The following HMGA2 variants were observed in gnomAD, a reference collection of about 807,000 sequenced individuals.
HMGA2 encodes high mobility group protein HMGI-C.
HMGA2 carries 8 observed loss-of-function variants against 19.1 expected under a neutral mutation model. That is an observed-to-expected ratio of 0.42 (90% CI 0.25 to 0.76). HMGA2 has a LOEUF of 0.76. Ranked by LOEUF, HMGA2 falls within the 30% of genes least tolerant of loss-of-function variation. The probability of loss-of-function intolerance (pLI) is 0.28; values close to 1 mark genes in which losing one functional copy is unlikely to be tolerated. For synonymous variants in HMGA2, 60 were observed against 48.8 expected, an observed-to-expected ratio of 1.23 and a Z score of -0.96; for missense variants, 109 against 136.3, an observed-to-expected ratio of 0.80 and a Z score of 1.00.
At chr12:65,870,172 T>C (rs1872639267) in intron 3 of HMGA2, among the ~76,000 whole-genome samples, 1 of 152,138 alleles carries the variant, frequency 6.6e-6, no homozygotes, top group Non-Finnish European at 1.5e-5. Context: ...GGGGTAGATA[T>C]GCATGTGCAT....
chr12:65,855,739 A>ATG (rs1871708250), intron 3 of HMGA2, among the ~76,000 whole-genome samples: 4 of 94,332 alleles, frequency 4.2e-5, no homozygotes, highest in South Asian at 3.2e-4. Context: ...TGATGATGAT[A>ATG]ATGATTGATC....
chr12:65,867,495 A>G (rs1376771709), intron 3 of HMGA2: 3 of 455,336 alleles, frequency 6.6e-6, no homozygotes, highest in South Asian at 1.6e-5. Flanking sequence ...TAAGCTACAG[A>G]ACTAATTACT....
At chr12:65,882,409 C>A (rs1021851011) in intron 3 of HMGA2, among the ~76,000 whole-genome samples, 8 of 152,180 alleles carry the variant, frequency 5.3e-5, no homozygotes, top group Non-Finnish European at 1.0e-4. Flanking sequence ...AACAAAGCAG[C>A]CCGCCCGCCC....
intron 4 of HMGA2, chr12:65,957,146 T>C (rs1876627946): frequency 6.6e-6 from 1 of 152,192 alleles, no homozygotes; most frequent in African/African-American, 2.4e-5. Flanking sequence ...TCCACAAATA[T>C]TCTGTTCCCT....
chr12:65,893,674 A>G (rs1169510011), intron 3 of HMGA2, among the ~76,000 whole-genome samples: 1 of 152,210 alleles, frequency 6.6e-6, no homozygotes, highest in Non-Finnish European at 1.5e-5. Flanking sequence ...GTGAATGGCT[A>G]CTGGTAAAGA....
Position 65,966,039 on chromosome 12 carries a change from C to G in HMGA2, c.*2747C>G, listed in dbSNP as rs1876899475. On this transcript the variant is annotated 3_prime_UTR_variant, in exon 5 of 5. Transcript: ENST00000403681. ...AGGTATGTTTGCAGGAGAAAAGTAT[C>G]AAGACGTTTAACTGCAGTTGACTTT... 1 of 221,162 alleles carries G rather than the reference C, an allele frequency of 4.5e-6. No homozygotes were observed. The highest frequency in any genetic ancestry group is 5.8e-5 in the Admixed American group (1 of 17,312). The allele number at this position is 221,162 out of a possible 1,614,324, so 13.7% of individuals were successfully genotyped here. A position where few individuals can be genotyped will look rare whatever the true frequency, so the allele number is the denominator to read the frequency against.
intron 3 of HMGA2, among the ~76,000 whole-genome samples, chr12:65,882,339 C>G (rs374416091): frequency 1.3e-5 from 2 of 152,216 alleles, no homozygotes; most frequent in Non-Finnish European, 2.9e-5. Flanking sequence ...GCAGGTCCAG[C>G]AGCAAAAACA....
chr12:65,925,309 A>G (rs1875469213), intron 3 of HMGA2, among the ~76,000 whole-genome samples: 2 of 152,196 alleles, frequency 1.3e-5, no homozygotes, highest in African/African-American at 2.4e-5. Flanking sequence ...TGACTTTTGG[A>G]CAATTTCTAA....
At chr12:65,828,702 A>C (rs1168175292) in intron 2 of HMGA2, 1 of 153,946 alleles carries the variant, frequency 6.5e-6, no homozygotes, top group African/African-American at 2.4e-5. Context: ...TAATCTCAAA[A>C]TGCCTTTTCA....
chr12:65,963,305 T>G lies in HMGA2; in HGVS notation c.*13T>G. ...CGAAGAGGACTAGGGGGCGCCAACG[T>G]TCGATTTCTACCTCAGCAGCAGTTG... On this transcript the variant is annotated 3_prime_UTR_variant, in exon 5 of 5. Transcript: ENST00000403681. 1 of 1,612,398 alleles carries G rather than the reference T, an allele frequency of 6.2e-7. No individual in the cohort carries two copies. The highest frequency in any genetic ancestry group is 1.1e-5 in the South Asian group (1 of 91,020).
chr12:65,847,828 T>C (rs1871292179), intron 3 of HMGA2, among the ~76,000 whole-genome samples: 3 of 152,220 alleles, frequency 2.0e-5, no homozygotes. Flanking sequence ...AAATGTTCGG[T>C]GAGTAGGATG....
At chr12:65,962,851 C>T (rs1565744075) in intron 4 of HMGA2, among the ~76,000 whole-genome samples, 1 of 151,840 alleles carries the variant, frequency 6.6e-6, no homozygotes, top group Non-Finnish European at 1.5e-5. Flanking sequence ...AAGGATCCCC[C>T]TAACTCTATT....
chr12:65,929,473 CA>C (rs1875630783), intron 3 of HMGA2, among the ~76,000 whole-genome samples: 1 of 150,578 alleles, frequency 6.6e-6, no homozygotes, highest in Non-Finnish European at 1.5e-5. Flanking sequence ...TATATACATA[CA>C]TATGTATGTA....
rs369358604 is a variant in HMGA2, at chr12:65,838,504, C to T, written c.199-15C>T. ...TCAGGTAGAAAACTATAATGACTTC[C>T]TTTTTCATTTGCAGAAAGCAGAAGC... is the stretch of plus-strand genomic sequence containing the variant. On this transcript the variant is annotated splice_polypyrimidine_tract_variant and intron_variant, in intron 2 of 4. Coordinates refer to ENST00000403681, the MANE Select transcript of HMGA2 (RefSeq NM_003483.6). 1.2e-6 allele frequency: 2 copies of T among 1,605,614 alleles called. No individual in the cohort carries two copies. Among genetic ancestry groups the T allele is most frequent in the Non-Finnish European group, 1.7e-6 (2 of 1,173,248 alleles).
intron 1 of HMGA2, chr12:65,826,822 G>A (rs1870231140): frequency 6.6e-6 from 1 of 151,480 alleles, no homozygotes; most frequent in Admixed American, 6.6e-5. Context: ...AATGGGGTCT[G>A]GAGGTGATTG....
chr12:65,881,844 A>G, intron 3 of HMGA2: 1 of 702,862 alleles, frequency 1.4e-6, no homozygotes, highest in East Asian at 2.7e-5. Context: ...CCTTCCTTGA[A>G]CTGCACTCTT....
At chr12:65,891,753 C>T (rs999641712) in intron 3 of HMGA2, among the ~76,000 whole-genome samples, 1 of 152,172 alleles carries the variant, frequency 6.6e-6, no homozygotes, top group African/African-American at 2.4e-5. Flanking sequence ...CCCTGTGCTG[C>T]GTGGCTGCAG....
intron 3 of HMGA2, among the ~76,000 whole-genome samples, chr12:65,936,774 T>C (rs1875910029): frequency 6.6e-6 from 1 of 152,170 alleles, no homozygotes; most frequent in Non-Finnish European, 1.5e-5. Context: ...AGCAACCCAA[T>C]GAGGAATCCA....
chr12:65,914,289 T>C (rs922928078), intron 3 of HMGA2, among the ~76,000 whole-genome samples: 6 of 152,014 alleles, frequency 3.9e-5, no homozygotes, highest in Non-Finnish European at 8.8e-5. Flanking sequence ...GTGGCACATA[T>C]ACACCATGGA....
Sources: allele counts gnomAD v4.1 joint callset (sites outside exome capture counted in the v4.1 genomes callset), GRCh38; gene constraint gnomAD v4.1.1; transcripts MANE v1.5; gene names NCBI Gene and HGNC (gene_info 2026-07-23, HGNC 2026-07-21).